PCLO: variants seen among roughly 807,000 people sequenced by gnomAD.
PCLO encodes protein piccolo.
PCLO carries 82 observed loss-of-function variants against 427.5 expected under a neutral mutation model. The observed-to-expected ratio is 0.19, with a 90% CI of 0.16 to 0.23. PCLO has a LOEUF of 0.23. PCLO is among the 10% of genes least tolerant of loss of function. The pLI, the probability that PCLO is intolerant of heterozygous loss-of-function variation, is 1.00. For synonymous variants in PCLO, 2,357 were observed against 2,155.4 expected, an observed-to-expected ratio of 1.09 and a Z score of -2.59; for missense variants, 6,239 against 6,115.9, an observed-to-expected ratio of 1.02 and a Z score of -0.67.
At chr7:82,939,646 AATAT>A (rs370300134) in intron 6 of PCLO, among the ~76,000 whole-genome samples, 1 of 146,956 alleles carries the variant, frequency 6.8e-6, no homozygotes. Context: ...TTCCACTGGA[AATAT>A]ATATATATAT....
intron 3 of PCLO, among the ~76,000 whole-genome samples, chr7:83,108,511 AAATTT>A (rs1371387888): frequency 6.6e-6 from 1 of 152,028 alleles, no homozygotes; most frequent in Non-Finnish European, 1.5e-5. Flanking sequence ...TTTTATATAC[AAATTT>A]TATATTTTAA....
intron 9 of PCLO, among the ~76,000 whole-genome samples, chr7:82,891,359 T>C (rs1317511679): frequency 1.3e-5 from 2 of 152,148 alleles, no homozygotes; most frequent in Non-Finnish European, 2.9e-5. Flanking sequence ...TGTATAAGAA[T>C]GCTTGTGATT....
intron 3 of PCLO, among the ~76,000 whole-genome samples, chr7:83,102,188 G>A (rs958008422): frequency 6.6e-6 from 1 of 151,732 alleles, no homozygotes; most frequent in Non-Finnish European, 1.5e-5. Context: ...TTATAAGTAT[G>A]GTACTTGTAG....
intron 6 of PCLO, among the ~76,000 whole-genome samples, chr7:82,949,118 C>T (rs1032653880): frequency 6.6e-6 from 1 of 152,140 alleles, no homozygotes; most frequent in African/African-American, 2.4e-5. Context: ...TTACTGAAAT[C>T]ACAGCTACAG....
Position 83,156,199 on chromosome 7 carries a change from G to A in PCLO, c.442C>T (p.His148Tyr), listed in dbSNP as rs369491444. The change falls in exon 2 of 25, where the codon CAC becomes TAC. Residue 148 changes from histidine (H) to tyrosine (Y), a missense_variant. His to Tyr is a moderately conservative substitution (Grantham distance 83). Coordinates refer to ENST00000333891, the MANE Select transcript of PCLO (RefSeq NM_033026.6). The part of the protein sequence containing the change: ...SKSRTDLKEE[H>Y]KSSMMPGFLS... ...AAGCCAGGCATCATACTAGACTTGT[G>A]CTCTTCCTTTAAATCAGTTCTGGAC... is the stretch of plus-strand genomic sequence containing the variant. 29 of 1,613,502 alleles carry A rather than the reference G, an allele frequency of 1.8e-5. No individual in the cohort carries two copies. Among genetic ancestry groups the A allele is most frequent in the Non-Finnish European group, 2.1e-5 (25 of 1,179,674 alleles).
intron 3 of PCLO, among the ~76,000 whole-genome samples, chr7:82,966,901 C>A (rs1250018190): frequency 3.9e-5 from 6 of 151,980 alleles, no homozygotes; most frequent in Non-Finnish European, 8.8e-5. Context: ...TAATAATTAT[C>A]TTTATAATAA....
At chr7:83,122,272 CTT>C (rs1245467916) in intron 3 of PCLO, among the ~76,000 whole-genome samples, 1 of 124,748 alleles carries the variant, frequency 8.0e-6, no homozygotes, top group Non-Finnish European at 1.6e-5. Flanking sequence ...TTCCTTCTTT[CTT>C]TCTTTTCTTT....
intron 3 of PCLO, among the ~76,000 whole-genome samples, chr7:83,025,426 C>G (rs1202132755): frequency 6.6e-6 from 1 of 150,502 alleles, no homozygotes; most frequent in African/African-American, 2.4e-5. Flanking sequence ...AAGAAATGAG[C>G]AAAGCCTCCA....
At chr7:82,831,651 T>G (rs1398099768) in intron 16 of PCLO, among the ~76,000 whole-genome samples, 1 of 152,176 alleles carries the variant, frequency 6.6e-6, no homozygotes, top group Non-Finnish European at 1.5e-5. Context: ...AAAGTTAAAA[T>G]GTTCATTTTA....
intron 3 of PCLO, among the ~76,000 whole-genome samples, chr7:82,974,730 G>C (rs1583860873): frequency 6.6e-6 from 1 of 152,000 alleles, no homozygotes; most frequent in East Asian, 1.9e-4. Flanking sequence ...AATGTAATCA[G>C]TTCTCATCCC....
At chr7:83,047,992 G>T (rs959677398) in intron 3 of PCLO, among the ~76,000 whole-genome samples, 30 of 152,092 alleles carry the variant, frequency 2.0e-4, no homozygotes, top group Admixed American at 5.2e-4. Context: ...CCAGATAGAA[G>T]GTCCAAATTT....
At position 82,954,488 on chromosome 7, in the gene PCLO, C is replaced by A. The variant is rs569436582; in HGVS notation, c.6465G>T (p.Glu2155Asp). 1 of 1,613,852 alleles carries A rather than the reference C, an allele frequency of 6.2e-7. No homozygotes were observed. The highest frequency in any genetic ancestry group is 8.5e-7 in the Non-Finnish European group (1 of 1,179,868). ...YVTDYTREIQ[E>D]IIAHESLILT... ...AAATCAGCGATTCATGGGCAATTAT[C>A]TCTTGAATTTCTCTTGTATAATCGG... Residue 2155 changes from glutamate (E) to aspartate (D), a missense_variant, in exon 5 of 25, where the codon GAG becomes GAT. Glu to Asp is a conservative substitution (Grantham distance 45). Transcript: ENST00000333891.
chr7:83,118,224 T>C (rs1459377097), intron 3 of PCLO, among the ~76,000 whole-genome samples: 1 of 152,148 alleles, frequency 6.6e-6, no homozygotes. Context: ...TGGAAGGTTA[T>C]TTTTATAACA....
In PCLO at chr7:83,156,264, G is replaced by C. The variant is rs1176930182; in HGVS notation, c.377C>G (p.Pro126Arg). The C allele has an allele frequency of 6.2e-7, 1 of 1,613,604 alleles. No homozygotes were observed. The highest frequency in any genetic ancestry group is 1.7e-5 in the Admixed American group (1 of 60,004). Reference sequence around the variant, plus strand: ...GCTAATAGTGGAAGGACTCCTCCCAGGCAATTTCTGCTCTGACCTGAAAGT... The same window carrying C: ...GCTAATAGTGGAAGGACTCCTCCCACGCAATTTCTGCTCTGACCTGAAAGT... ...TDTFRSEQKL[P>R]GRSPSTISLK... Residue 126 changes from proline to arginine, a missense_variant, in exon 2 of 25, where the codon CCT (proline) becomes CGT (arginine). By Grantham distance (103) the Pro-to-Arg change is moderately radical. Coordinates refer to ENST00000333891, the MANE Select transcript of PCLO (RefSeq NM_033026.6).
chr7:82,861,234 C>T (rs902785348), intron 10 of PCLO, among the ~76,000 whole-genome samples: 1 of 151,816 alleles, frequency 6.6e-6, no homozygotes, highest in African/African-American at 2.4e-5. Context: ...TAAAGACACA[C>T]ATAGACTGAA....
At chr7:82,876,934 G>A (rs1007951605) in intron 10 of PCLO, among the ~76,000 whole-genome samples, 4 of 151,920 alleles carry the variant, frequency 2.6e-5, no homozygotes, top group East Asian at 1.9e-4. Context: ...TTGAGAGAAC[G>A]AATAAATAAC....
chr7:82,816,074 GAA>G (rs1377496786), intron 20 of PCLO, among the ~76,000 whole-genome samples: 3 of 151,926 alleles, frequency 2.0e-5, no homozygotes, highest in African/African-American at 7.2e-5. Context: ...AAATGGAAAA[GAA>G]TATTTTCATG....
intron 3 of PCLO, among the ~76,000 whole-genome samples, chr7:83,122,203 GAAT>G (rs1791297758): frequency 6.7e-6 from 1 of 149,832 alleles, no homozygotes; most frequent in Non-Finnish European, 1.5e-5. Context: ...CTGATGTACT[GAAT>G]GAAAAAAATT....
chr7:83,055,319 A>G (rs1159780927), intron 3 of PCLO, among the ~76,000 whole-genome samples: 1 of 152,152 alleles, frequency 6.6e-6, no homozygotes, highest in Non-Finnish European at 1.5e-5. Context: ...GTGACATTCC[A>G]TCACAATTAC....
Sources: allele counts gnomAD v4.1 joint callset (sites outside exome capture counted in the v4.1 genomes callset), GRCh38; gene constraint gnomAD v4.1.1; transcripts MANE v1.5; gene names NCBI Gene and HGNC (gene_info 2026-07-23, HGNC 2026-07-21).